CRPPA: variants seen among roughly 807,000 people sequenced by gnomAD.
CRPPA encodes D-ribitol-5-phosphate cytidylyltransferase.
A neutral mutation model predicts 52.0 loss-of-function variants in CRPPA; 43 were observed. The observed-to-expected ratio is 0.83, with a 90% CI of 0.65 to 1.07. The LOEUF (loss-of-function observed/expected upper bound fraction) is 1.07, where lower values mean the gene tolerates loss of function less well. CRPPA is among the 50% of genes least tolerant of loss of function. CRPPA has a pLI of 0.00. For missense variants in CRPPA, 629 were observed against 551.7 expected (o/e 1.14, Z -1.40); for synonymous variants, 250 against 203.5 (o/e 1.23, Z -1.94).
At chr7:16,331,006 T>C (rs966168444) in intron 3 of CRPPA, among the ~76,000 whole-genome samples, 1 of 152,102 alleles carries the variant, frequency 6.6e-6, no homozygotes, top group African/African-American at 2.4e-5. Flanking sequence ...TTTTGTTTTG[T>C]TTTGTTTTTT....
Position 16,229,543 on chromosome 7 carries a change from T to C in CRPPA, c.1120-13346A>G, listed in dbSNP as rs531191881. Among the ~76,000 whole-genome samples, 7 of 132,558 alleles carry C rather than the reference T, an allele frequency of 5.3e-5. No homozygotes were observed. In the South Asian group the frequency reaches 1.5e-3, roughly 29 times the overall value. The allele number at this position is 132,558 out of a possible 152,430, so 87.0% of individuals were successfully genotyped here. On this transcript the variant is annotated intron_variant, in intron 8 of 9. Coordinates refer to ENST00000407010, the MANE Select transcript of CRPPA (RefSeq NM_001101426.4). ...ATTTTAACAACAAAAACACTACACA[T>C]TTACTTCACTCACTCCTCCATATTT...
At chr7:16,161,605 T>G (rs1270280205) in intron 9 of CRPPA, among the ~76,000 whole-genome samples, 1 of 152,206 alleles carries the variant, frequency 6.6e-6, no homozygotes, top group Non-Finnish European at 1.5e-5. Flanking sequence ...ATTGAGGATT[T>G]TTGCATCAAT....
chr7:16,103,448 T>C (rs1373844456), intron 9 of CRPPA, among the ~76,000 whole-genome samples: 1 of 152,040 alleles, frequency 6.6e-6, no homozygotes, highest in African/African-American at 2.4e-5. Context: ...GAACTTAAAG[T>C]ATAATTTTAA....
At chr7:16,183,457 T>C (rs1039994864) in intron 9 of CRPPA, among the ~76,000 whole-genome samples, 1 of 152,190 alleles carries the variant, frequency 6.6e-6, no homozygotes, top group Non-Finnish European at 1.5e-5. Flanking sequence ...CCTGAGAACT[T>C]GCCTTATGGA....
At chr7:16,319,001 T>C (rs1369503130) in intron 3 of CRPPA, among the ~76,000 whole-genome samples, 1 of 152,188 alleles carries the variant, frequency 6.6e-6, no homozygotes, top group Non-Finnish European at 1.5e-5. Flanking sequence ...TTTGTCCTTC[T>C]TCCCAACTTC....
At chr7:16,413,471 G>T (rs1444657388) in intron 1 of CRPPA, among the ~76,000 whole-genome samples, 1 of 152,158 alleles carries the variant, frequency 6.6e-6, no homozygotes, top group African/African-American at 2.4e-5. Context: ...ACAACTAAAA[G>T]CTTTCCTTTC....
At chr7:16,221,562 T>C (rs1438630666) in intron 8 of CRPPA, among the ~76,000 whole-genome samples, 1 of 151,984 alleles carries the variant, frequency 6.6e-6, no homozygotes, top group East Asian at 1.9e-4. Flanking sequence ...AAAGGGCTAA[T>C]ATCCAGAATC....
At chr7:16,156,115 C>CAAAAAA (rs35258024) in intron 9 of CRPPA, among the ~76,000 whole-genome samples, 2 of 111,984 alleles carry the variant, frequency 1.8e-5, no homozygotes, top group African/African-American at 3.5e-5. Context: ...TATTCAAAAG[C>CAAAAAA]AAAAAAAAAA....
intron 1 of CRPPA, among the ~76,000 whole-genome samples, chr7:16,420,771 G>T (rs573986827): frequency 4.6e-5 from 7 of 152,156 alleles, no homozygotes; most frequent in African/African-American, 1.7e-4. Flanking sequence ...ACCCCAAATC[G>T]CCTAGTCCCA....
chr7:16,102,090 T>C (rs891321548), intron 9 of CRPPA, among the ~76,000 whole-genome samples: 5 of 152,152 alleles, frequency 3.3e-5, no homozygotes, highest in African/African-American at 1.2e-4. Context: ...AACAGCATGG[T>C]ACTGGTACCA....
intron 2 of CRPPA, among the ~76,000 whole-genome samples, chr7:16,397,278 GAC>G (rs1196461589): frequency 3.3e-5 from 5 of 152,168 alleles, no homozygotes; most frequent in African/African-American, 4.8e-5. Flanking sequence ...ACATGAGGGT[GAC>G]ACAATTGTGA....
rs574478895 is a variant in CRPPA at position 16,329,241 on chromosome 7, T to C, written c.685-20614A>G. Among the ~76,000 whole-genome samples the C allele has an allele frequency of 1.6e-4, 24 of 152,334 alleles. No individual in the cohort carries two copies. In the South Asian group the frequency reaches 4.8e-3, roughly 30 times the overall value. On this transcript the variant is annotated intron_variant, in intron 3 of 9. Coordinates refer to ENST00000407010, the MANE Select transcript of CRPPA (RefSeq NM_001101426.4). ...CAATAGGAGCTAAGATAATGAGTTT[T>C]TTCCTTTACAGATGACTTCATTGCT...
chr7:16,343,957 A>G (rs1348643238), intron 3 of CRPPA, among the ~76,000 whole-genome samples: 1 of 152,208 alleles, frequency 6.6e-6, no homozygotes, highest in Non-Finnish European at 1.5e-5. Flanking sequence ...CCGGTTATTA[A>G]AGGAAATCTG....
At position 16,133,213 on chromosome 7, in the gene CRPPA, A is replaced by C. The variant is rs1782709291; in HGVS notation, c.1252-41414T>G. Among the ~76,000 whole-genome samples, 2 of 122,620 alleles carry C rather than the reference A, an allele frequency of 1.6e-5. 1 individual carries two copies. Among genetic ancestry groups the C allele is most frequent in the Non-Finnish European group, 3.7e-5 (2 of 54,070 alleles). The allele number at this position is 122,620 out of a possible 152,430, so 80.4% of individuals were successfully genotyped here. ...ATTACTGTAGTCCCAGCTACTTGGG[A>C]AACTGATGCATGAGAATTGCTTGAA... On this transcript the variant is annotated intron_variant, in intron 9 of 9. Transcript: ENST00000407010.
At chr7:16,325,412 T>C (rs143077387) in intron 3 of CRPPA, among the ~76,000 whole-genome samples, 23 of 152,298 alleles carry the variant, frequency 1.5e-4, no homozygotes, top group African/African-American at 4.8e-4. Context: ...TTGCCAATTA[T>C]ATTTTTCCAA....
intron 3 of CRPPA, among the ~76,000 whole-genome samples, chr7:16,333,589 G>T (rs941426292): frequency 6.6e-6 from 1 of 152,128 alleles, no homozygotes; most frequent in Admixed American, 6.5e-5. Flanking sequence ...GCATGTATTA[G>T]AAAGAATAAA....
chr7:16,115,251 T>G (rs950581989), intron 9 of CRPPA, among the ~76,000 whole-genome samples: 3 of 152,180 alleles, frequency 2.0e-5, no homozygotes, highest in African/African-American at 7.2e-5. Context: ...ATTAGTACTA[T>G]TGTTTTCTAA....
At chr7:16,127,063 A>G (rs2128371698) in intron 9 of CRPPA, among the ~76,000 whole-genome samples, 1 of 152,306 alleles carries the variant, frequency 6.6e-6, no homozygotes, top group African/African-American at 2.4e-5. Flanking sequence ...TGTGAGAAAG[A>G]AGTATGTATA....
In CRPPA at chr7:16,416,622, C is replaced by A. The variant is rs989902028; in HGVS notation, c.257+4444G>T. Among the ~76,000 whole-genome samples, 3 of 151,788 alleles carry A rather than the reference C, an allele frequency of 2.0e-5. No homozygotes were observed. In the South Asian group the frequency reaches 6.3e-4, roughly 32 times the overall value. ...GGCCGACGCAGGTGGATCACCTGAG[C>A]GCAGGAGCTCAAGACCAGCCTGCCC... On this transcript the variant is annotated intron_variant, in intron 1 of 9. Transcript: ENST00000407010.
Sources: gnomAD v4.1 joint callset for allele counts (sites outside exome capture counted in the v4.1 genomes callset) on GRCh38, gnomAD v4.1.1 for gene constraint, MANE v1.5 for transcripts, NCBI Gene and HGNC (gene_info 2026-07-23, HGNC 2026-07-21) for gene names.